The following UTY variants were observed in gnomAD, a reference collection of about 807,000 sequenced individuals.
UTY encodes ubiquitously transcribed tetratricopeptide repeat containing, Y-linked, also known as histone demethylase UTY.
A neutral mutation model predicts 32.5 loss-of-function variants in UTY; 12 were observed. That is an observed-to-expected ratio of 0.37 (90% CI 0.24 to 0.60). UTY has a LOEUF of 0.60. UTY is among the 20% of genes least tolerant of loss of function. The probability of loss-of-function intolerance (pLI) is 0.69; values close to 1 mark genes in which losing one functional copy is unlikely to be tolerated. For synonymous variants in UTY, 131 were observed against 103.4 expected, an observed-to-expected ratio of 1.27 and a Z score of -1.62; for missense variants, 303 against 299.2, an observed-to-expected ratio of 1.01 and a Z score of -0.09.
intron 9 of UTY, among the ~76,000 whole-genome samples, chrY:13,368,843 A>G (rs983038499): frequency 3.0e-5 from 1 of 33,376 alleles, no homozygotes; most frequent in African/African-American, 1.2e-4. Context: ...GAAATAAAAT[A>G]TAAGTTTTAA....
At chrY:13,290,004 T>TA (rs1168209529) in intron 27 of UTY, among the ~76,000 whole-genome samples, 9 of 29,078 alleles carry the variant, frequency 3.1e-4, no homozygotes, top group Non-Finnish European at 5.8e-4. Flanking sequence ...AAAAAATAAA[T>TA]AAAAAAAACA....
intron 4 of UTY, among the ~76,000 whole-genome samples, chrY:13,420,910 G>A (rs537856338): frequency 7.8e-4 from 26 of 33,263 alleles, no homozygotes; most frequent in African/African-American, 2.9e-3. Flanking sequence ...AGGTAAGAGC[G>A]TCTGCAGAGC....
At chrY:13,405,971 T>G (rs17221964) in intron 6 of UTY, among the ~76,000 whole-genome samples, 635 of 33,089 alleles carry the variant, frequency 0.019, no homozygotes, top group Non-Finnish European at 0.036. Context: ...GATTCTGCCC[T>G]TAAATAAACC....
chrY:13,270,404 T>C, intron 27 of UTY, among the ~76,000 whole-genome samples: 1 of 32,840 alleles, frequency 3.0e-5, no homozygotes, highest in Non-Finnish European at 7.5e-5. Context: ...TGAACAAGTA[T>C]CTTGAGGACC....
intron 17 of UTY, among the ~76,000 whole-genome samples, chrY:13,350,462 TTAAAG>T (rs2062286188): frequency 9.1e-5 from 3 of 33,020 alleles, no homozygotes; most frequent in Non-Finnish European, 2.2e-4. Flanking sequence ...GCTCTAAAAA[TTAAAG>T]TATATTAGTC....
intron 4 of UTY, among the ~76,000 whole-genome samples, chrY:13,427,867 C>G: frequency 3.0e-5 from 1 of 33,525 alleles, no homozygotes; most frequent in Non-Finnish European, 7.4e-5. Context: ...CATGTACTTA[C>G]CAGCATATTT....
chrY:13,324,371 A>G (rs2060052258), intron 20 of UTY, among the ~76,000 whole-genome samples: 2 of 33,314 alleles, frequency 6.0e-5, no homozygotes, highest in African/African-American at 2.3e-4. Flanking sequence ...AGCTAAATGT[A>G]TATCTGTTAT....
chrY:13,411,057 T>C lies in UTY; in HGVS notation c.491A>G (p.Lys164Arg). 1 of 398,392 alleles carries C rather than the reference T, an allele frequency of 2.5e-6. No individual in the cohort carries two copies. The highest frequency in any genetic ancestry group is 3.5e-6 in the Non-Finnish European group (1 of 283,192). ...LYVDPSFCRA[K>R]EIHLRLGLMF... The stretch of plus-strand genomic sequence containing the variant: ...GAGCCCAAGTCGTAAATGAATTTCC[T>C]TGGCTCGACAAAAGCTGGGGTCAAC... Residue 164 changes from lysine to arginine, a missense_variant, in exon 6 of 30, where the codon AAG becomes AGG. By Grantham distance (26) the Lys-to-Arg change is conservative. Transcript: ENST00000545955.
intron 20 of UTY, among the ~76,000 whole-genome samples, chrY:13,324,231 A>T (rs1603399688): frequency 6.6e-5 from 2 of 30,393 alleles, no homozygotes; most frequent in African/African-American, 1.3e-4. Context: ...TTTTTTTTTT[A>T]AAAAGGGGAA....
chrY:13,346,371 T>C, intron 17 of UTY, among the ~76,000 whole-genome samples: 1 of 33,720 alleles, frequency 3.0e-5, no homozygotes, highest in East Asian at 7.7e-4. Flanking sequence ...TGCAACACTT[T>C]AGGTTTTATA....
intron 10 of UTY, among the ~76,000 whole-genome samples, chrY:13,362,556 C>A: frequency 2.9e-5 from 1 of 33,962 alleles, no homozygotes; most frequent in Non-Finnish European, 7.4e-5. Context: ...TTATCAGATG[C>A]CTATGTGTTT....
At chrY:13,478,117 C>G in intron 2 of UTY, among the ~76,000 whole-genome samples, 1 of 33,547 alleles carries the variant, frequency 3.0e-5, no homozygotes, top group African/African-American at 1.2e-4. Flanking sequence ...AATGTTCATC[C>G]TGAGAAAATA....
chrY:13,446,611 T>C (rs199646958), intron 4 of UTY, among the ~76,000 whole-genome samples: 1,020 of 16,397 alleles, frequency 0.062, no homozygotes, highest in Middle Eastern at 0.35. Flanking sequence ...GATAGATAGA[T>C]AGATAGATAG....
intron 27 of UTY, among the ~76,000 whole-genome samples, chrY:13,270,443 G>A (rs973385203): frequency 2.1e-4 from 7 of 32,820 alleles, no homozygotes; most frequent in Non-Finnish European, 3.8e-4. Flanking sequence ...ATGCTTACTA[G>A]GAACATCTTT....
intron 27 of UTY, among the ~76,000 whole-genome samples, chrY:13,269,101 G>C (rs750806644): frequency 1.2e-4 from 4 of 33,394 alleles, no homozygotes; most frequent in African/African-American, 4.7e-4. Context: ...GCAGGGAACT[G>C]TTTAAGTGTG....
chrY:13,330,390 A>C, intron 18 of UTY, among the ~76,000 whole-genome samples: 1 of 33,280 alleles, frequency 3.0e-5, no homozygotes, highest in East Asian at 8.0e-4. Context: ...AAACAGAAGC[A>C]GGGTGGGGGC....
chrY:13,393,438 C>G, intron 8 of UTY: 1 of 33,244 alleles, frequency 3.0e-5, no homozygotes, highest in Non-Finnish European at 7.4e-5. Context: ...ATAACAGTGA[C>G]TTATTACAAT....
At chrY:13,282,587 C>G in intron 27 of UTY, among the ~76,000 whole-genome samples, 1 of 33,935 alleles carries the variant, frequency 2.9e-5, no homozygotes, top group Non-Finnish European at 7.4e-5. Flanking sequence ...GTACCCCTTG[C>G]TTGCTCAAAT....
intron 27 of UTY, among the ~76,000 whole-genome samples, chrY:13,283,709 G>A: frequency 3.1e-5 from 1 of 32,722 alleles, no homozygotes; most frequent in South Asian, 7.1e-4. Flanking sequence ...CCACTTCCCC[G>A]GCCCCTAACA....
Sources: allele counts gnomAD v4.1 joint callset (sites outside exome capture counted in the v4.1 genomes callset), GRCh38; gene constraint gnomAD v4.1.1; transcripts MANE v1.5; gene names NCBI Gene and HGNC (gene_info 2026-07-23, HGNC 2026-07-21).